COL8A2: variants seen among roughly 807,000 people sequenced by gnomAD.
COL8A2 encodes collagen type VIII alpha 2 chain.
COL8A2 carries 16 observed loss-of-function variants against 24.0 expected under a neutral mutation model. The observed-to-expected ratio is 0.67, with a 90% CI of 0.45 to 1.01. The LOEUF is 1.01. Ranked by LOEUF, COL8A2 falls within the 50% of genes least tolerant of loss-of-function variation. The probability of loss-of-function intolerance (pLI) is 0.00; values close to 1 mark genes in which losing one functional copy is unlikely to be tolerated. For synonymous variants in COL8A2, 466 were observed against 424.5 expected, an observed-to-expected ratio of 1.10 and a Z score of -1.20; for missense variants, 818 against 942.4, an observed-to-expected ratio of 0.87 and a Z score of 1.73.
chr1:36,098,062 C>A lies in COL8A2; in HGVS notation c.1619G>T (p.Gly540Val). The A allele has an allele frequency of 6.3e-7, 1 of 1,577,638 alleles. No individual in the cohort carries two copies. Among genetic ancestry groups the A allele is most frequent in the South Asian group, 1.1e-5 (1 of 88,076 alleles). Residue 540 changes from glycine to valine, a missense_variant, in exon 4 of 4, where the codon GGC becomes GTC. By Grantham distance (109) the Gly-to-Val change is moderately radical (BLOSUM62 -3). Around this residue, in one of 3 missense-constraint regions of COL8A2, gnomAD observed 235 missense variants for 297.3 expected, o/e 0.79. Transcript: ENST00000397799. ...PGAPGAFDET[G>V]IAGLHLPNGG... is the part of the protein sequence containing the mutation. Reference sequence around the variant, plus strand: ...GTTGGGCAGGTGCAAGCCTGCGATGCCAGTCTCATCGAAGGCCCCAGGGGC... The same window carrying A: ...GTTGGGCAGGTGCAAGCCTGCGATGACAGTCTCATCGAAGGCCCCAGGGGC...
At chr1:36,124,314 G>A (rs1643935441) in intron 1 of COL8A2, among the ~76,000 whole-genome samples, 1 of 152,202 alleles carries the variant, frequency 6.6e-6, no homozygotes, top group Non-Finnish European at 1.5e-5. Flanking sequence ...CCCTCTGGCT[G>A]AATAGCATTT....
intron 2 of COL8A2, among the ~76,000 whole-genome samples, chr1:36,111,549 A>G (rs1276309066): frequency 2.5e-5 from 2 of 78,806 alleles, no homozygotes; most frequent in African/African-American, 9.7e-5. Flanking sequence ...GTCTCCCCTG[A>G]GCCATTTTTT....
rs2124071895 is a variant in COL8A2, at chr1:36,098,504, G to A, written c.1177C>T (p.Arg393Ter). The change falls in exon 4 of 4, where the codon CGA becomes TGA. Residue 393 changes from arginine (R) to a stop codon, truncating the protein, a stop_gained. Coordinates refer to ENST00000397799, the MANE Select transcript of COL8A2 (RefSeq NM_005202.4). LOFTEE classifies it high-confidence loss of function. ...PGGPPGVPGI[R>*]GDQGPSGLAG... ...AGGCCACTAGGCCCCTGGTCACCTCGAATGCCAGGCACTCCTGGGGGTCCT... is the reference window on the plus strand; with the variant it reads ...AGGCCACTAGGCCCCTGGTCACCTCAAATGCCAGGCACTCCTGGGGGTCCT... The A allele has an allele frequency of 1.9e-6, 3 of 1,588,428 alleles. No individual in the cohort carries two copies. Among genetic ancestry groups the A allele is most frequent in the South Asian group, 1.1e-5 (1 of 87,616 alleles).
At chr1:36,118,622 G>A (rs2124108649) in intron 1 of COL8A2, among the ~76,000 whole-genome samples, 1 of 152,282 alleles carries the variant, frequency 6.6e-6, no homozygotes, top group Non-Finnish European at 1.5e-5. Flanking sequence ...TTTGCACAGA[G>A]CCTGCCGCTG....
Position 36,096,437 on chromosome 1 carries a change from A to C in COL8A2, c.*1132T>G, listed in dbSNP as rs144948320. The C allele has an allele frequency of 6.6e-6, 1 of 152,446 alleles. No individual in the cohort carries two copies. The highest frequency in any genetic ancestry group is 2.4e-5 in the African/African-American group (1 of 41,564). 9.4% of individuals were successfully genotyped at this position (152,446 alleles called of 1,614,324 possible). On this transcript the variant is annotated 3_prime_UTR_variant, in exon 4 of 4. Transcript: ENST00000397799. ...GCTTAGAACAGGAAATTGGAACCAG[A>C]GGGTGGAAGGAGAGGAAGCCCCCAC...
chr1:36,105,878 G>A (rs1195497029), intron 2 of COL8A2, among the ~76,000 whole-genome samples: 1 of 151,426 alleles, frequency 6.6e-6, no homozygotes, highest in Admixed American at 6.6e-5. Flanking sequence ...GAGCCCAGGA[G>A]GTAGAAGCTG....
chr1:36,100,366 C>A, intron 2 of COL8A2, 108 bp from the exon 3 acceptor site: 1 of 1,028,636 alleles, frequency 9.7e-7, no homozygotes, highest in South Asian at 1.4e-5. Flanking sequence ...AGATTTCAGT[C>A]AAAAGGCTGA....
At position 36,097,919 on chromosome 1, in the gene COL8A2, A is replaced by T; in HGVS notation, c.1762T>A (p.Ser588Thr). 2 of 1,611,742 alleles carry T rather than the reference A, an allele frequency of 1.2e-6. No individual in the cohort carries two copies. The highest frequency in any genetic ancestry group is 1.7e-6 in the Non-Finnish European group (2 of 1,179,880). ...TAVLTSPFPA[S>T]GMPVKFDRTL... is the part of the protein sequence containing the mutation. Reference sequence around the variant, plus strand: ...CGGTCAAATTTCACGGGCATGCCCGAGGCGGGGAAGGGCGAGGTGAGCACC... The same window carrying T: ...CGGTCAAATTTCACGGGCATGCCCGTGGCGGGGAAGGGCGAGGTGAGCACC... Residue 588 changes from serine to threonine, a missense_variant, in exon 4 of 4, where the codon TCG becomes ACG. Physicochemically the swap from Ser to Thr is moderately conservative, Grantham distance 58. Transcript: ENST00000397799.
At chr1:36,122,478 G>C (rs1022051250) in intron 1 of COL8A2, among the ~76,000 whole-genome samples, 11 of 152,076 alleles carry the variant, frequency 7.2e-5, no homozygotes, top group Admixed American at 7.2e-4. Flanking sequence ...ACCCACCCAG[G>C]CTTCAAGGCT....
At chr1:36,108,421 C>T (rs1186784416) in intron 2 of COL8A2, among the ~76,000 whole-genome samples, 1 of 152,206 alleles carries the variant, frequency 6.6e-6, no homozygotes, top group Non-Finnish European at 1.5e-5. Context: ...CTCTGGTGAC[C>T]CCTTGGGAAA....
chr1:36,105,609 G>A (rs1328617612), intron 2 of COL8A2, among the ~76,000 whole-genome samples: 1 of 152,184 alleles, frequency 6.6e-6, no homozygotes, highest in Non-Finnish European at 1.5e-5. Flanking sequence ...TGCTTTACAC[G>A]TAATCCTCAT....
intron 2 of COL8A2, among the ~76,000 whole-genome samples, chr1:36,106,529 G>A (rs906113051): frequency 4.6e-5 from 7 of 152,202 alleles, no homozygotes; most frequent in Non-Finnish European, 8.8e-5. Flanking sequence ...AAGGGGCAGA[G>A]TGTGTGGCAG....
Position 36,097,958 on chromosome 1 carries a change from G to A in COL8A2, c.1723C>T (p.Pro575Ser). The stretch of plus-strand genomic sequence containing the variant: ...GAGGTGAGCACCGCAGTGAAGGCCG[G>A]TGTGGCATGGGCAGACAGCTCGCCC... ...GLGELSAHATPAFTAVLTSPF... is the reference protein window; with the variant it reads ...GLGELSAHATSAFTAVLTSPF... Residue 575 changes from proline (P) to serine (S), a missense_variant, in exon 4 of 4, where the codon CCG becomes TCG. Pro to Ser is a moderately conservative substitution (Grantham distance 74). This residue lies in a region of COL8A2 where 235 missense variants were observed against 297.3 expected (regional missense o/e 0.79). Transcript: ENST00000397799. The A allele has an allele frequency of 1.2e-6, 2 of 1,608,970 alleles. No individual in the cohort carries two copies. The highest frequency in any genetic ancestry group is 2.2e-5 in the South Asian group (2 of 90,934).
At chr1:36,120,275 G>A (rs1384653429) in intron 1 of COL8A2, among the ~76,000 whole-genome samples, 1 of 152,014 alleles carries the variant, frequency 6.6e-6, no homozygotes, top group African/African-American at 2.4e-5. Flanking sequence ...CCAACATGGC[G>A]AAACCCCGTC....
Position 36,096,788 on chromosome 1 carries a change from C to A in COL8A2, c.*781G>T, listed in dbSNP as rs539836436. Reference sequence around the variant, plus strand: ...GTTGATCTTTCTGGCCTGTAGGTGTCCCAGGGGCCTCTGTGCTGCCCTCAA... The same window carrying A: ...GTTGATCTTTCTGGCCTGTAGGTGTACCAGGGGCCTCTGTGCTGCCCTCAA... On this transcript the variant is annotated 3_prime_UTR_variant, in exon 4 of 4. Transcript: ENST00000397799. 1.3e-5 allele frequency: 2 copies of A among 152,534 alleles called. No homozygotes were observed. The highest frequency in any genetic ancestry group is 2.9e-5 in the Non-Finnish European group (2 of 68,200). 9.4% of individuals were successfully genotyped at this position (152,534 alleles called of 1,614,324 possible). A position where few individuals can be genotyped will look rare whatever the true frequency, so the allele number is the denominator to read the frequency against.
chr1:36,099,102 C>G lies in COL8A2; in HGVS notation c.579G>C (p.Gln193His). 1 of 1,508,242 alleles carries G rather than the reference C, an allele frequency of 6.6e-7. No homozygotes were observed. 93.4% of individuals were successfully genotyped at this position (1,508,242 alleles called of 1,614,324 possible). The part of the protein sequence containing the change: ...PPGFQGEPGP[Q>H]GEPGPPGDRG... Reference sequence around the variant, plus strand: ...GATCACCTGGGGGCCCAGGCTCCCCCTGGGGCCCTGGTTCCCCCTGGAATC... The same window carrying G: ...GATCACCTGGGGGCCCAGGCTCCCCGTGGGGCCCTGGTTCCCCCTGGAATC... Residue 193 changes from glutamine to histidine, a missense_variant, in exon 4 of 4, where the codon CAG (glutamine) becomes CAC (histidine). Gln to His is a conservative substitution (Grantham distance 24). This residue lies in a region of COL8A2 where 573 missense variants were observed against 616.8 expected (regional missense o/e 0.93). Coordinates refer to ENST00000397799, the MANE Select transcript of COL8A2 (RefSeq NM_005202.4).
chr1:36,099,806 G>C (rs1240266006), intron 3 of COL8A2, among the ~76,000 whole-genome samples: 1 of 152,154 alleles, frequency 6.6e-6, no homozygotes, highest in Non-Finnish European at 1.5e-5. Context: ...CCACCTTAGA[G>C]CCCGTGGGAG....
At chr1:36,112,113 C>T (rs1348454172) in intron 2 of COL8A2, among the ~76,000 whole-genome samples, 2 of 152,236 alleles carry the variant, frequency 1.3e-5, no homozygotes, top group Admixed American at 6.5e-5. Context: ...ACGCCATTCT[C>T]CTGCCTCAGC....
intron 2 of COL8A2, among the ~76,000 whole-genome samples, chr1:36,112,770 A>T (rs1470956534): frequency 6.6e-6 from 1 of 152,146 alleles, no homozygotes; most frequent in East Asian, 1.9e-4. Context: ...CTGCATCTGG[A>T]TGACTGGGAC....
Sources: allele counts gnomAD v4.1 joint callset (sites outside exome capture counted in the v4.1 genomes callset), GRCh38; gene constraint gnomAD v4.1.1; regional missense constraint gnomAD v4.1.1; transcripts MANE v1.5; gene names NCBI Gene and HGNC (gene_info 2026-07-23, HGNC 2026-07-21).